Variants in OGFOD3 observed in about 807,000 individuals in gnomAD.
OGFOD3 encodes the protein 2-oxoglutarate and iron-dependent oxygenase domain-containing protein 3.
A neutral mutation model predicts 39.8 loss-of-function variants in OGFOD3; 35 were observed. The ratio of observed to expected loss-of-function variants is 0.88; its 90% CI spans 0.67 to 1.17. The LOEUF (loss-of-function observed/expected upper bound fraction) is 1.17. Among genes scored for constraint, OGFOD3 ranks in the 50% most tolerant of loss-of-function variants. The probability of loss-of-function intolerance (pLI) is 0.00; values close to 1 mark genes in which losing one functional copy is unlikely to be tolerated. For missense variants in OGFOD3, 438 were observed against 454.5 expected (o/e 0.96, Z 0.33); for synonymous variants, 200 against 192.0 (o/e 1.04, Z -0.34).
chr17:82,391,035 G>A lies in OGFOD3; in HGVS notation c.*1363C>T, dbSNP rs2052591890. ...CAGAGGCACCTGTGCCAGGGGCTAG[G>A]GAACATGGATCTATGCCAGACAGGC... On this transcript the variant is annotated 3_prime_UTR_variant, in exon 9 of 9. Coordinates refer to ENST00000313056, the MANE Select transcript of OGFOD3 (RefSeq NM_024648.3). This position sits in a 1 kb window ranked among gnomAD's most constrained non-coding sequence, Gnocchi z 5.1. 2 of 174,028 alleles carry A rather than the reference G, an allele frequency of 1.1e-5. No individual in the cohort carries two copies. Among genetic ancestry groups the A allele is most frequent in the South Asian group, 9.5e-5 (1 of 10,522 alleles). The allele number at this position is 174,028 out of a possible 1,614,324, so 10.8% of individuals were successfully genotyped here. A position where few individuals can be genotyped will look rare whatever the true frequency, so the allele number is the denominator to read the frequency against.
At chr17:82,417,421 C>T (rs930328181) in intron 1 of OGFOD3, 1 of 151,836 alleles carries the variant, frequency 6.6e-6, no homozygotes, top group African/African-American at 2.4e-5. Flanking sequence ...GAGTTCGAGA[C>T]CAGCCTGGCC....
At chr17:82,411,341 C>A (rs2052939161) in intron 3 of OGFOD3, 114 bp downstream of exon 3, 1 of 930,234 alleles carries the variant, frequency 1.1e-6, no homozygotes, top group South Asian at 1.6e-5. Context: ...GCCACCACGC[C>A]TGGCAATAAA....
intron 7 of OGFOD3, among the ~76,000 whole-genome samples, chr17:82,398,906 A>C (rs1235185787): frequency 1.5e-5 from 2 of 134,582 alleles, no homozygotes; most frequent in Non-Finnish European, 1.6e-5. Context: ...TTTTGTAGAG[A>C]TGGCATCAGT....
chr17:82,413,963 A>G (rs573977882), intron 2 of OGFOD3, among the ~76,000 whole-genome samples: 2 of 152,306 alleles, frequency 1.3e-5, no homozygotes, highest in South Asian at 2.1e-4. Flanking sequence ...GATAGAATTT[A>G]CCATTTTAGC....
chr17:82,403,192 T>G (rs2052794100), intron 7 of OGFOD3, among the ~76,000 whole-genome samples: 1 of 152,152 alleles, frequency 6.6e-6, no homozygotes, highest in Admixed American at 6.5e-5. Context: ...CATCAGTCTG[T>G]TAATAAATAA....
chr17:82,404,376 GC>G lies in OGFOD3; in HGVS notation c.546-287del, dbSNP rs960228619. Among the ~76,000 whole-genome samples the G allele has an allele frequency of 9.8e-5, 15 of 152,376 alleles. No homozygotes were observed. The highest frequency in any genetic ancestry group is 3.6e-4 in the African/African-American group (15 of 41,596). On this transcript the variant is annotated intron_variant, in intron 6 of 8. Coordinates refer to ENST00000313056, the MANE Select transcript of OGFOD3 (RefSeq NM_024648.3). This position sits in a 1 kb window ranked among gnomAD's most constrained non-coding sequence, Gnocchi z 4.5. ...GCTGGGGAGGCTGGTGTGGAGTCAG[GC>G]CCCAGATGCCAGAGCCTCCAGGCTT...
Position 82,418,524 on chromosome 17 carries a change from C to T in OGFOD3, c.-39G>A. ...CGCGGAGCCGGGCCGGACGCGGGCG[C>T]CAGGCCCGGGGACGAACGCCGTAAC... On this transcript the variant is annotated 5_prime_UTR_variant, in exon 1 of 9. Coordinates refer to ENST00000313056, the MANE Select transcript of OGFOD3 (RefSeq NM_024648.3). 8.1e-7 allele frequency: 1 copy of T among 1,236,498 alleles called. No individual in the cohort carries two copies. The highest frequency in any genetic ancestry group is 1.0e-6 in the Non-Finnish European group (1 of 964,958). 76.6% of individuals were successfully genotyped at this position (1,236,498 alleles called of 1,614,324 possible).
Position 82,415,260 on chromosome 17 carries a change from T to A in OGFOD3, c.304+138A>T. On this transcript the variant is annotated intron_variant, in intron 2 of 8. Transcript: ENST00000313056. The surrounding 1 kb of genome is among the most constrained non-coding windows in gnomAD (Gnocchi z 5.3). Reference sequence around the variant, plus strand: ...CCTGCACTCCCAGTCAGACGTGGACTAGCCAGCCTGCAGGAGGGGAGAGGT... The same window carrying A: ...CCTGCACTCCCAGTCAGACGTGGACAAGCCAGCCTGCAGGAGGGGAGAGGT... 1.2e-6 allele frequency: 1 copy of A among 859,372 alleles called. No homozygotes were observed. 53.2% of individuals were successfully genotyped at this position (859,372 alleles called of 1,614,324 possible).
chr17:82,410,710 CTTTTTTTTT>C (rs71168106), intron 3 of OGFOD3, among the ~76,000 whole-genome samples: 2 of 91,708 alleles, frequency 2.2e-5, no homozygotes, highest in South Asian at 4.2e-4. Flanking sequence ...GCACATAATT[CTTTTTTTTT>C]TTTTTTTTTT....
rs1040185178 is a variant in OGFOD3 at position 82,406,754 on chromosome 17, A to G, written c.424-272T>C. On this transcript the variant is annotated intron_variant, in intron 4 of 8. Coordinates refer to ENST00000313056, the MANE Select transcript of OGFOD3 (RefSeq NM_024648.3). The surrounding 1 kb of genome is among the most constrained non-coding windows in gnomAD (Gnocchi z 5.2). The stretch of plus-strand genomic sequence containing the variant: ...TGCCTCCCAAGTAAAGGCGCTCGCC[A>G]CCACACCTGGCTAATTTTTCTATTT... Among the ~76,000 whole-genome samples the G allele has an allele frequency of 6.6e-6, 1 of 152,096 alleles. No homozygotes were observed. The highest frequency in any genetic ancestry group is 1.5e-5 in the Non-Finnish European group (1 of 68,002).
Position 82,398,337 on chromosome 17 carries a change from A to G in OGFOD3, c.700-18T>C, listed in dbSNP as rs2052710814. On this transcript the variant is annotated intron_variant, in intron 7 of 8. Transcript: ENST00000313056. The stretch of plus-strand genomic sequence containing the variant: ...TAGGTCACCTGAGGGCAGAGCCGGG[A>G]GGAGGGGGCAGAATGGGCTCTCAGC... 6.2e-7 allele frequency: 1 copy of G among 1,613,922 alleles called. No individual in the cohort carries two copies. Among genetic ancestry groups the G allele is most frequent in the Non-Finnish European group, 8.5e-7 (1 of 1,179,872 alleles).
In OGFOD3 at chr17:82,415,461, C is replaced by T. The variant is rs201644261; in HGVS notation, c.241G>A (p.Val81Met). 2.6e-5 allele frequency: 42 copies of T among 1,614,064 alleles called. No individual in the cohort carries two copies. The Middle Eastern group carries it at 4.9e-4, about 19-fold the overall frequency. ...GGCACCTCGATGAATCTCCCTGCCA[C>T]GACCTCGCCACGGCGGGCCAGGACC... ...AEVLARRGEV[V>M]AGRFIEVPCS... Residue 81 changes from valine (V) to methionine (M), a missense_variant, in exon 2 of 9, where the codon GTG becomes ATG. By Grantham distance (21) the Val-to-Met change is conservative. Transcript: ENST00000313056. The surrounding 1 kb of genome is among the most constrained non-coding windows in gnomAD (Gnocchi z 5.3).
rs2053127277 is a variant in OGFOD3 at position 82,418,437 on chromosome 17, C to T, written c.49G>A (p.Ala17Thr). ...CTGCTCCGGTTCCGGCGCTCGGCCG[C>T]TCCGTTGCCCTCGGGCGCCTTGGTT... ...AATKAPEGNG[A>T]AERRNRSSTK... Residue 17 changes from alanine to threonine, a missense_variant, in exon 1 of 9, where the codon GCG becomes ACG. By Grantham distance (58) the Ala-to-Thr change is moderately conservative. Coordinates refer to ENST00000313056, the MANE Select transcript of OGFOD3 (RefSeq NM_024648.3). 1.4e-6 allele frequency: 2 copies of T among 1,478,336 alleles called. No individual in the cohort carries two copies. The highest frequency in any genetic ancestry group is 1.8e-6 in the Non-Finnish European group (2 of 1,120,542). 91.6% of individuals were successfully genotyped at this position (1,478,336 alleles called of 1,614,324 possible).
Position 82,392,850 on chromosome 17 carries a change from C to A in OGFOD3, c.824-316G>T. 2.9e-6 allele frequency: 1 copy of A among 339,658 alleles called. No homozygotes were observed. The highest frequency in any genetic ancestry group is 8.6e-4 in the Middle Eastern group (1 of 1,160). 21.0% of individuals were successfully genotyped at this position (339,658 alleles called of 1,614,324 possible). ...AGACACCCCAGGTCATCTGATCTCC[C>A]GAGCTCCGGGCATTTGATCTCCTCA... On this transcript the variant is annotated intron_variant, in intron 8 of 8. Transcript: ENST00000313056. The surrounding 1 kb of genome is among the most constrained non-coding windows in gnomAD (Gnocchi z 4.2).
chr17:82,401,213 G>A (rs550167844), intron 7 of OGFOD3: 19 of 149,318 alleles, frequency 1.3e-4, no homozygotes, highest in South Asian at 2.1e-4. Context: ...GCGCGATCTC[G>A]GCTCACTGCA....
At chr17:82,409,330 G>A (rs62080965) in intron 4 of OGFOD3, 38 bp downstream of exon 4, 456,250 of 1,603,296 alleles carry the variant, frequency 0.28, 70,605 homozygotes, top group Non-Finnish European at 0.32. Context: ...CAAAGTTAAC[G>A]GGTAAAAAAA....
chr17:82,394,745 G>C lies in OGFOD3; in HGVS notation c.824-2211C>G, dbSNP rs182196323. On this transcript the variant is annotated intron_variant, in intron 8 of 8. Transcript: ENST00000313056. ...CCACACCAGATGGTCCACACTGACA[G>C]TGTCACTTATGGTGGGACGTGGGCC... Among the ~76,000 whole-genome samples the C allele has an allele frequency of 2.3e-3, 344 of 152,304 alleles. 1 individual carries two copies. The highest frequency in any genetic ancestry group is 6.8e-3 in the Middle Eastern group (2 of 294).
In OGFOD3 at chr17:82,392,492, C is replaced by A. The variant is rs373628669; in HGVS notation, c.866G>T (p.Arg289Leu). 3 of 1,606,138 alleles carry A rather than the reference C, an allele frequency of 1.9e-6. No individual in the cohort carries two copies. Among genetic ancestry groups the A allele is most frequent in the African/African-American group, 1.3e-5 (1 of 74,810 alleles). The change falls in exon 9 of 9, where the codon CGC (arginine) becomes CTC (leucine). Residue 289 changes from arginine (R) to leucine (L), a missense_variant. By Grantham distance (102) the Arg-to-Leu change is moderately radical. Transcript: ENST00000313056. The surrounding 1 kb of genome is among the most constrained non-coding windows in gnomAD (Gnocchi z 4.2). ...FFTSGSENLH[R>L]VEKVHWGTRY... is the part of the protein sequence containing the mutation. ...GGTGCCCCAGTGGACCTTCTCCACG[C>A]GGTGTAGGTTCTCGGACCCCGAGGT...
rs1427161141 is a variant in OGFOD3 at position 82,392,508 on chromosome 17, AC to A, written c.849del (p.Ser284ProfsTer76). The A allele has an allele frequency of 6.3e-6, 10 of 1,596,506 alleles. No homozygotes were observed. The East Asian group carries it at 9.1e-5, about 15-fold the overall frequency. ...TTCTCCACGCGGTGTAGGTTCTCGG[AC>A]CCCGAGGTGAAGAAGGAGACGCGAC... ...RAGRVSFFTS[G>X]SENLHRVEKV... On this transcript the variant is annotated frameshift_variant, in exon 9 of 9. Coordinates refer to ENST00000313056, the MANE Select transcript of OGFOD3 (RefSeq NM_024648.3). LOFTEE classifies it high-confidence loss of function. The surrounding 1 kb of genome is among the most constrained non-coding windows in gnomAD (Gnocchi z 4.2).
Sources: allele counts gnomAD v4.1 joint callset (sites outside exome capture counted in the v4.1 genomes callset), GRCh38; gene constraint gnomAD v4.1.1; non-coding constraint Gnocchi (gnomAD v3.1); transcripts MANE v1.5; gene names NCBI Gene and HGNC (gene_info 2026-07-23, HGNC 2026-07-21).